Variants in RPS8 observed in about 807,000 individuals in gnomAD.
RPS8 encodes the protein small ribosomal subunit protein eS8.
For synonymous variants in RPS8, 100 were observed against 100.7 expected, an observed-to-expected ratio of 0.99 and a Z score of 0.04; for missense variants, 141 against 269.7, an observed-to-expected ratio of 0.52 and a Z score of 3.34.
intron 4 of RPS8, 71 bp downstream of exon 4, chr1:44,777,860 T>C (rs372746373): frequency 1.3e-6 from 2 of 1,578,482 alleles, no homozygotes. Flanking sequence ...ATGAAAACTC[T>C]GTCCAGTTCT....
intron 1 of RPS8, 129 bp downstream of exon 1, chr1:44,775,729 G>C: frequency 7.7e-7 from 1 of 1,294,544 alleles, no homozygotes; most frequent in African/African-American, 1.5e-5. Flanking sequence ...AGGAGTGGTG[G>C]CCCTCGGGTT....
chr1:44,777,706 G>T lies in RPS8; in HGVS notation c.304G>T (p.Val102Leu), dbSNP rs11537868. 6.2e-7 allele frequency: 1 copy of T among 1,614,004 alleles called. No individual in the cohort carries two copies. Among genetic ancestry groups the T allele is most frequent in the Non-Finnish European group, 8.5e-7 (1 of 1,179,866 alleles). ...CAAGACCCTGGTGAAGAATTGCATC[G>T]TGCTCATCGACAGCACACCGTACCG... ...RTKTLVKNCI[V>L]LIDSTPYRQW... The change falls in exon 4 of 6, where the codon GTG becomes TTG. Residue 102 changes from valine to leucine, a missense_variant. Physicochemically the swap from Val to Leu is conservative, Grantham distance 32 (BLOSUM62 1). Coordinates refer to ENST00000396651, the MANE Select transcript of RPS8 (RefSeq NM_001012.2).
In RPS8 at chr1:44,778,008, G is replaced by A; in HGVS notation, c.396G>A (p.Glu132=). ...GRKKGAKLTP[E]EEEILNKKRS... ...TTGTATCCCCTTTTCAGACTCCTGA[G>A]GAAGAAGAGATTTTAAACAAAAAAC... Residue 132 remains glutamate, a synonymous_variant, in exon 5 of 6, where the codon GAG becomes GAA. Transcript: ENST00000396651. The A allele has an allele frequency of 6.2e-7, 1 of 1,613,778 alleles. No homozygotes were observed. Among genetic ancestry groups the A allele is most frequent in the Non-Finnish European group, 8.5e-7 (1 of 1,179,954 alleles).
chr1:44,778,257 A>C, intron 5 of RPS8, 128 bp downstream of exon 5: 1 of 1,200,686 alleles, frequency 8.3e-7, no homozygotes, highest in South Asian at 1.3e-5. Context: ...ACAGGCTGCG[A>C]GCACAAAGGG....
At position 44,776,040 on chromosome 1, in the gene RPS8, C is replaced by G. The variant is rs746744422; in HGVS notation, c.11C>G (p.Ser4Cys). The G allele has an allele frequency of 1.9e-6, 3 of 1,612,696 alleles. No individual in the cohort carries two copies. The highest frequency in any genetic ancestry group is 1.7e-5 in the Admixed American group (1 of 59,692). ...TCCCCGCTTCCACATGCAGGCATCT[C>G]TCGGGACAACTGGCACAAGCGCCGC... The part of the protein sequence containing the change: MGI[S>C]RDNWHKRRKT... The change falls in exon 2 of 6, where the codon TCT becomes TGT. Residue 4 changes from serine (S) to cysteine (C), a missense_variant. Ser to Cys is a moderately radical substitution (Grantham distance 112). Coordinates refer to ENST00000396651, the MANE Select transcript of RPS8 (RefSeq NM_001012.2).
Position 44,776,071 on chromosome 1 carries a change from C to G in RPS8, c.42C>G (p.Thr14=). Residue 14 remains threonine, a synonymous_variant, in exon 2 of 6, where the codon ACC becomes ACG. Coordinates refer to ENST00000396651, the MANE Select transcript of RPS8 (RefSeq NM_001012.2). ...SRDNWHKRRK[T]GGKRKPYHKK... ...ACAACTGGCACAAGCGCCGCAAAAC[C>G]GGGGGCAAGAGAAAGCCCTACCACA... 6.2e-7 allele frequency: 1 copy of G among 1,611,494 alleles called. No homozygotes were observed. Among genetic ancestry groups the G allele is most frequent in the South Asian group, 1.1e-5 (1 of 90,960 alleles).
chr1:44,775,935 G>C, intron 1 of RPS8, 99 bp from the exon 2 acceptor site: 1 of 1,123,614 alleles, frequency 8.9e-7, no homozygotes. Context: ...TTGGAGAGCT[G>C]AGCGTGCGAC....
In RPS8 at chr1:44,778,560, A is replaced by G. The variant is rs777327021; in HGVS notation, c.518-16A>G. The G allele has an allele frequency of 5.6e-6, 9 of 1,604,410 alleles. No individual in the cohort carries two copies. The highest frequency in any genetic ancestry group is 3.3e-5 in the South Asian group (3 of 90,874). ...CCACCTTGTCGTTGTGCTAAGGATC[A>G]CCTACTCTCTTGCAGCGTGCATCGC... On this transcript the variant is annotated splice_polypyrimidine_tract_variant and intron_variant, in intron 5 of 5. Transcript: ENST00000396651.
chr1:44,778,419 G>C (rs779892677), intron 5 of RPS8, 157 bp from the exon 6 acceptor site: 1 of 813,984 alleles, frequency 1.2e-6, no homozygotes. Context: ...GTCCAGTTCT[G>C]CTACTGACAG....
rs1470282017 is a variant in RPS8 at position 44,778,123 on chromosome 1, C to T, written c.511C>T (p.Leu171Phe). The change falls in exon 5 of 6, where the codon CTT becomes TTT. Residue 171 changes from leucine to phenylalanine, a missense_variant. Leu to Phe is a conservative substitution (Grantham distance 22). Coordinates refer to ENST00000396651, the MANE Select transcript of RPS8 (RefSeq NM_001012.2). ...LLEEQFQQGK[L>F]LACIASRPGQ... ...GGAGGAGCAGTTCCAGCAGGGCAAG[C>T]TTCTTGGTGAGAAGGCTGTTGTGTT... is the stretch of plus-strand genomic sequence containing the variant. 1.3e-6 allele frequency: 2 copies of T among 1,594,020 alleles called. No individual in the cohort carries two copies. Among genetic ancestry groups the T allele is most frequent in the Non-Finnish European group, 1.7e-6 (2 of 1,169,866 alleles).
Position 44,777,628 on chromosome 1 carries a change from A to G in RPS8, c.226A>G (p.Thr76Ala). 1 of 1,613,790 alleles carries G rather than the reference A, an allele frequency of 6.2e-7. No individual in the cohort carries two copies. The stretch of plus-strand genomic sequence containing the variant: ...CCTGTGAGCAGGTTGTACTCGTAAA[A>G]CAAGGATCATCGATGTTGTCTACAA... ...SWGSECCTRKTRIIDVVYNAS... is the reference protein window; with the variant it reads ...SWGSECCTRKARIIDVVYNAS... Residue 76 changes from threonine to alanine, a missense_variant, in exon 4 of 6, where the codon ACA becomes GCA. Transcript: ENST00000396651.
chr1:44,775,983 C>G, intron 1 of RPS8, 51 bp from the exon 2 acceptor site: 2 of 1,565,764 alleles, frequency 1.3e-6, no homozygotes, highest in Non-Finnish European at 1.8e-6. Context: ...TGGCGAGTCG[C>G]TAGCACCGAG....
intron 3 of RPS8, 191 bp downstream of exon 3, chr1:44,776,965 A>G: frequency 1.9e-6 from 1 of 518,036 alleles, no homozygotes; most frequent in African/African-American, 2.0e-5. Flanking sequence ...AAAAAAAAAG[A>G]TTCAAGTGCT....
At position 44,777,608 on chromosome 1, in the gene RPS8, G is replaced by T; in HGVS notation, c.212-6G>T. ...TTACTTGATGCCAAATTTCTCCTGT[G>T]AGCAGGTTGTACTCGTAAAACAAGG... On this transcript the variant is annotated splice_region_variant and splice_polypyrimidine_tract_variant and intron_variant, in intron 3 of 5. Coordinates refer to ENST00000396651, the MANE Select transcript of RPS8 (RefSeq NM_001012.2). The T allele has an allele frequency of 6.2e-7, 1 of 1,611,528 alleles. No homozygotes were observed. Among genetic ancestry groups the T allele is most frequent in the South Asian group, 1.1e-5 (1 of 90,844 alleles).
intron 1 of RPS8, 36 bp from the exon 2 acceptor site, chr1:44,775,998 A>T: frequency 6.3e-7 from 1 of 1,593,896 alleles, no homozygotes; most frequent in African/African-American, 1.3e-5. Context: ...ACCGAGTCAC[A>T]GTGGCTCAAG....
intron 1 of RPS8, 134 bp from the exon 2 acceptor site, chr1:44,775,900 C>T (rs771733182): frequency 1.1e-6 from 1 of 883,656 alleles, no homozygotes; most frequent in Admixed American, 1.7e-5. Context: ...TGCATACTCC[C>T]GAGTGCGCGG....
intron 1 of RPS8, 155 bp downstream of exon 1, chr1:44,775,755 G>T: frequency 1.9e-6 from 2 of 1,049,490 alleles, no homozygotes; most frequent in Non-Finnish European, 2.9e-6. Flanking sequence ...CGCCCAGCCC[G>T]TCTCTGGGGG....
In RPS8 at chr1:44,776,677, T is replaced by C. The variant is rs1303132126; in HGVS notation, c.114T>C (p.Ile38=). ...ELGRPAANTK[I]GPRRIHTVRV... is the part of the protein sequence containing the mutation. ...TCCTGTAACCTTGTGTTTTCCAGAT[T>C]GGCCCCCGCCGCATCCACACAGTCC... The change falls in exon 3 of 6, where the codon ATT becomes ATC. Residue 38 remains isoleucine (I), a splice_region_variant and synonymous_variant. Coordinates refer to ENST00000396651, the MANE Select transcript of RPS8 (RefSeq NM_001012.2). 2 of 1,613,634 alleles carry C rather than the reference T, an allele frequency of 1.2e-6. No individual in the cohort carries two copies. Among genetic ancestry groups the C allele is most frequent in the East Asian group, 4.5e-5 (2 of 44,830 alleles).
chr1:44,777,511 C>T, intron 3 of RPS8, 103 bp from the exon 4 acceptor site: 4 of 896,016 alleles, frequency 4.5e-6, no homozygotes, highest in Non-Finnish European at 7.1e-6. Flanking sequence ...CTGAGAGTTC[C>T]CTTATTTCTC....
Sources: allele counts gnomAD v4.1 joint callset, GRCh38; gene constraint gnomAD v4.1.1; transcripts MANE v1.5; gene names NCBI Gene and HGNC (gene_info 2026-07-23, HGNC 2026-07-21).